The following MSH3 variants were observed in gnomAD, a reference collection of about 807,000 sequenced individuals.
MSH3 encodes the protein mutS homolog 3.
A neutral mutation model predicts 123.3 loss-of-function variants in MSH3; 106 were observed. That is an observed-to-expected ratio of 0.86 (90% CI 0.73 to 1.01). MSH3 has a LOEUF of 1.01. Ranked by LOEUF, MSH3 falls within the 50% of genes least tolerant of loss-of-function variation. The probability of loss-of-function intolerance (pLI) is 0.00; values close to 1 mark genes in which losing one functional copy is unlikely to be tolerated. For missense variants in MSH3, 1,459 were observed against 1,347.6 expected, an observed-to-expected ratio of 1.08 and a Z score of -1.29; for synonymous variants, 515 against 481.4, an observed-to-expected ratio of 1.07 and a Z score of -0.91.
intron 6 of MSH3, 39 bp downstream of exon 6, chr5:80,672,897 C>A: frequency 6.9e-7 from 1 of 1,453,890 alleles, no homozygotes; most frequent in Non-Finnish European, 9.7e-7. Flanking sequence ...TTAAATGATA[C>A]AAGGGCTTTG....
At chr5:80,735,439 C>T (rs543523774) in intron 10 of MSH3, among the ~76,000 whole-genome samples, 7 of 150,450 alleles carry the variant, frequency 4.7e-5, no homozygotes, top group East Asian at 2.0e-4. Flanking sequence ...GTAATCCCAG[C>T]GCTTTGGGAG....
intron 17 of MSH3, among the ~76,000 whole-genome samples, chr5:80,784,202 T>G (rs1344470993): frequency 1.2e-5 from 1 of 86,194 alleles, no homozygotes; most frequent in Non-Finnish European, 2.0e-5. Context: ...AGAGCGAGAC[T>G]ACTACGTCGC....
chr5:80,679,678 C>T (rs1023957675), intron 8 of MSH3, among the ~76,000 whole-genome samples: 3 of 152,132 alleles, frequency 2.0e-5, no homozygotes, highest in East Asian at 1.9e-4. Flanking sequence ...AGGCGCTGTG[C>T]GTACAGAGGA....
intron 10 of MSH3, 31 bp from the exon 11 acceptor site, chr5:80,741,433 T>C: frequency 7.2e-7 from 1 of 1,387,732 alleles, no homozygotes; most frequent in Non-Finnish European, 1.0e-6. Context: ...TGCACTTACA[T>C]CTAGGCTAAT....
intron 13 of MSH3, among the ~76,000 whole-genome samples, chr5:80,765,270 A>G (rs888429863): frequency 6.6e-5 from 10 of 152,202 alleles, no homozygotes; most frequent in Non-Finnish European, 1.3e-4. Context: ...TAATATTCAA[A>G]ATTATATTGA....
At position 80,735,014 on chromosome 5, in the gene MSH3, G is replaced by A. The variant is rs142318842; in HGVS notation, c.1568+6049G>A. 1.5e-3 allele frequency among the ~76,000 whole-genome samples: 234 copies of A among 152,308 alleles called. 2 individuals are homozygous for A. The East Asian group carries it at 0.024, about 16-fold the overall frequency. ...TACTTTTTTATGAATGAAAGCAGAG[G>A]TCAGGTGGCACAATTGAACACTGCA... On this transcript the variant is annotated intron_variant, in intron 10 of 23. Transcript: ENST00000265081.
intron 2 of MSH3, among the ~76,000 whole-genome samples, chr5:80,664,581 C>T (rs1218590384): frequency 6.6e-6 from 1 of 152,144 alleles, no homozygotes; most frequent in Non-Finnish European, 1.5e-5. Flanking sequence ...GGAGGAAGGA[C>T]AGTTGTCTTT....
At chr5:80,693,967 G>A (rs565519124) in intron 8 of MSH3, among the ~76,000 whole-genome samples, 2 of 152,038 alleles carry the variant, frequency 1.3e-5, no homozygotes, top group African/African-American at 2.4e-5. Flanking sequence ...GCCAAAACTC[G>A]AAACTTATAA....
chr5:80,686,643 A>G (rs1035925984), intron 8 of MSH3, among the ~76,000 whole-genome samples: 1 of 152,022 alleles, frequency 6.6e-6, no homozygotes, highest in African/African-American at 2.4e-5. Context: ...CTTTGTTTCC[A>G]TATTTACAAC....
At chr5:80,867,793 G>T (rs1002541464) in intron 22 of MSH3, among the ~76,000 whole-genome samples, 7 of 152,104 alleles carry the variant, frequency 4.6e-5, no homozygotes, top group Non-Finnish European at 7.4e-5. Flanking sequence ...TCTTATAAAT[G>T]TAAGTTCCTT....
At chr5:80,738,894 G>A (rs745725681) in intron 10 of MSH3, among the ~76,000 whole-genome samples, 1 of 152,168 alleles carries the variant, frequency 6.6e-6, no homozygotes, top group Non-Finnish European at 1.5e-5. Context: ...TAATAGAAAA[G>A]ACTTAAAGGA....
chr5:80,851,804 T>A (rs1460876193), intron 20 of MSH3, among the ~76,000 whole-genome samples: 1 of 152,220 alleles, frequency 6.6e-6, no homozygotes, highest in East Asian at 1.9e-4. Flanking sequence ...CTGAAATAAC[T>A]AATTAGCTAG....
chr5:80,765,461 G>T (rs1744106480), intron 13 of MSH3, among the ~76,000 whole-genome samples: 3 of 152,054 alleles, frequency 2.0e-5, no homozygotes, highest in Admixed American at 2.0e-4. Flanking sequence ...TGCTCAGTTG[G>T]ACCTAACTTC....
rs150230023 is a variant in MSH3, at chr5:80,680,239, G to A, written c.1340+1146G>A. ...CACACCACTTCACTCCAGCCTGGGC[G>A]AAAGAGCAAGACTCTTATCTCAAAA... is the stretch of plus-strand genomic sequence containing the variant. On this transcript the variant is annotated intron_variant, in intron 8 of 23. Transcript: ENST00000265081. Among the ~76,000 whole-genome samples the A allele has an allele frequency of 6.5e-4, 98 of 150,520 alleles. 1 individual carries two copies. The highest frequency in any genetic ancestry group is 1.2e-3 in the Non-Finnish European group (82 of 67,716).
At chr5:80,793,721 A>G (rs1024425813) in intron 19 of MSH3, among the ~76,000 whole-genome samples, 16 of 152,218 alleles carry the variant, frequency 1.1e-4, no homozygotes, top group African/African-American at 3.6e-4. Flanking sequence ...AGAAGTGTTC[A>G]GAGATAAGGA....
intron 8 of MSH3, among the ~76,000 whole-genome samples, chr5:80,680,477 G>A (rs1749950447): frequency 1.3e-5 from 2 of 150,668 alleles, no homozygotes; most frequent in Admixed American, 6.6e-5. Context: ...GAAAATGACT[G>A]TTAAACATTT....
rs549706699 is a variant in MSH3, at chr5:80,725,074, C to T, written c.1341-379C>T. ...CTAAAAATACAAAAAATTAGCTGGG[C>T]GTGATGGCGGGCACCTGTAGCTTCA... On this transcript the variant is annotated intron_variant, in intron 8 of 23. Transcript: ENST00000265081. Among the ~76,000 whole-genome samples, 9 of 151,798 alleles carry T rather than the reference C, an allele frequency of 5.9e-5. No individual in the cohort carries two copies. In the South Asian group the frequency reaches 6.3e-4, roughly 11 times the overall value.
chr5:80,808,400 TC>T (rs1744936313), intron 19 of MSH3, among the ~76,000 whole-genome samples: 1 of 152,152 alleles, frequency 6.6e-6, no homozygotes, highest in Admixed American at 6.5e-5. Context: ...AGGAAAGGCT[TC>T]TACCATTTCA....
chr5:80,728,754 A>C (rs1270355085), intron 9 of MSH3, 97 bp from the exon 10 acceptor site: 2 of 685,218 alleles, frequency 2.9e-6, no homozygotes, highest in Non-Finnish European at 5.1e-6. Context: ...ATTTGTGTTT[A>C]ATAATGCTAA....
Sources: gnomAD v4.1 joint callset for allele counts (sites outside exome capture counted in the v4.1 genomes callset) on GRCh38, gnomAD v4.1.1 for gene constraint, MANE v1.5 for transcripts, NCBI Gene and HGNC (gene_info 2026-07-23, HGNC 2026-07-21) for gene names.